The following EXOC4 variants were observed in gnomAD, a reference collection of about 807,000 sequenced individuals.
EXOC4 encodes SEC8-like 1.
EXOC4 carries 71 observed loss-of-function variants against 107.2 expected under a neutral mutation model. That is an observed-to-expected ratio of 0.66 (90% CI 0.55 to 0.81). EXOC4 has a LOEUF of 0.81. Among genes scored for constraint, EXOC4 ranks in the 30% least tolerant of loss-of-function variants. EXOC4 has a pLI of 0.00. For synonymous variants in EXOC4, 456 were observed against 441.2 expected (o/e 1.03, Z -0.42); for missense variants, 1,108 against 1,189.6 (o/e 0.93, Z 1.01).
Position 133,375,047 on chromosome 7 carries a change from G to A in EXOC4, c.1182+45G>A, listed in dbSNP as rs1796458224. 2.6e-6 allele frequency: 4 copies of A among 1,526,436 alleles called. No individual in the cohort carries two copies. The East Asian group carries it at 9.1e-5, about 35-fold the overall frequency. The allele number at this position is 1,526,436 out of a possible 1,614,324, so 94.6% of individuals were successfully genotyped here. On this transcript the variant is annotated intron_variant, in intron 7 of 17. Transcript: ENST00000253861. ...GGTGTCATCTTGATTCAGAGTAACAGTTTAGAATAACAACAACAACAGCAA... is the reference window on the plus strand; with the variant it reads ...GGTGTCATCTTGATTCAGAGTAACAATTTAGAATAACAACAACAACAGCAA...
At chr7:133,722,932 CTT>C (rs1327337985) in intron 10 of EXOC4, among the ~76,000 whole-genome samples, 7 of 152,196 alleles carry the variant, frequency 4.6e-5, no homozygotes, top group Non-Finnish European at 1.0e-4. Flanking sequence ...TTAAACTACT[CTT>C]AACCTTTTCT....
At chr7:134,031,457 A>G (rs1795269572) in intron 17 of EXOC4, among the ~76,000 whole-genome samples, 1 of 152,260 alleles carries the variant, frequency 6.6e-6, no homozygotes, top group South Asian at 2.1e-4. Flanking sequence ...GCCTGGAAGT[A>G]AGGAAATGGT....
chr7:133,511,099 C>T (rs751474233), intron 9 of EXOC4, among the ~76,000 whole-genome samples: 29 of 151,916 alleles, frequency 1.9e-4, no homozygotes, highest in Non-Finnish European at 3.4e-4. Flanking sequence ...GGCGTCCTGG[C>T]TACATAATTT....
At chr7:133,807,077 T>G (rs962794435) in intron 10 of EXOC4, among the ~76,000 whole-genome samples, 2 of 152,122 alleles carry the variant, frequency 1.3e-5, no homozygotes, top group African/African-American at 2.4e-5. Flanking sequence ...TCGGAAGATA[T>G]GGTGGGCCGA....
chr7:133,350,508 C>T (rs1486083416), intron 5 of EXOC4, among the ~76,000 whole-genome samples: 2 of 152,000 alleles, frequency 1.3e-5, no homozygotes, highest in African/African-American at 4.8e-5. Context: ...CCTAGGGTCT[C>T]TTTTCTGTTC....
intron 7 of EXOC4, among the ~76,000 whole-genome samples, chr7:133,436,510 A>C (rs1425670924): frequency 6.6e-6 from 1 of 152,060 alleles, no homozygotes; most frequent in African/African-American, 2.4e-5. Flanking sequence ...TAAAAAAAAA[A>C]AAAACCCTAA....
chr7:134,053,372 T>G (rs2116592863), intron 17 of EXOC4, among the ~76,000 whole-genome samples: 1 of 152,200 alleles, frequency 6.6e-6, no homozygotes, highest in East Asian at 1.9e-4. Flanking sequence ...CTTAATCATT[T>G]AAGCCTTGGA....
chr7:133,781,584 A>G (rs540577931), intron 10 of EXOC4, among the ~76,000 whole-genome samples: 52 of 152,360 alleles, frequency 3.4e-4, no homozygotes, highest in African/African-American at 1.3e-3. Context: ...TAATTCTGTC[A>G]GTGTCAGGGC....
intron 7 of EXOC4, among the ~76,000 whole-genome samples, chr7:133,424,358 C>G (rs1476187120): frequency 6.6e-6 from 1 of 151,620 alleles, no homozygotes; most frequent in Non-Finnish European, 1.5e-5. Context: ...ACTCCAGACG[C>G]GCCGCCTTTA....
At chr7:133,695,651 G>T (rs938143927) in intron 10 of EXOC4, among the ~76,000 whole-genome samples, 14 of 152,058 alleles carry the variant, frequency 9.2e-5, no homozygotes, top group Non-Finnish European at 1.9e-4. Flanking sequence ...TATTATTTAA[G>T]TATTGGGGTA....
At chr7:133,718,386 G>C (rs931613976) in intron 10 of EXOC4, among the ~76,000 whole-genome samples, 1 of 152,178 alleles carries the variant, frequency 6.6e-6, no homozygotes, top group Admixed American at 6.5e-5. Flanking sequence ...TGCTTTCCTA[G>C]TACTTAGATG....
rs537547011 is a variant in EXOC4, at chr7:133,463,321, G to A, written c.1183-12007G>A. ...GTGCCCTTCCTCCCTTTGAGGAGAG[G>A]TGGTAATAGAGAGTTTACCTGGTCA... is the stretch of plus-strand genomic sequence containing the variant. On this transcript the variant is annotated intron_variant, in intron 7 of 17. Transcript: ENST00000253861. Among the ~76,000 whole-genome samples the A allele has an allele frequency of 3.9e-5, 6 of 152,236 alleles. No individual in the cohort carries two copies. The East Asian group carries it at 1.2e-3, about 29-fold the overall frequency.
intron 17 of EXOC4, chr7:134,009,886 GC>G (rs1794725962): frequency 1.3e-5 from 2 of 152,144 alleles, no homozygotes; most frequent in Admixed American, 1.3e-4. Flanking sequence ...TGCTGACTGG[GC>G]AGGATTGAAG....
intron 10 of EXOC4, among the ~76,000 whole-genome samples, chr7:133,761,560 T>A (rs1332958872): frequency 6.6e-6 from 1 of 152,184 alleles, no homozygotes; most frequent in Non-Finnish European, 1.5e-5. Flanking sequence ...ATGCGTTGGC[T>A]GTTGACTCAG....
intron 7 of EXOC4, among the ~76,000 whole-genome samples, chr7:133,392,429 C>T (rs1045843650): frequency 4.6e-5 from 7 of 152,102 alleles, no homozygotes; most frequent in Non-Finnish European, 8.8e-5. Flanking sequence ...TGTTAGGGTC[C>T]TTTACCTAAG....
At chr7:133,546,593 C>T (rs950305607) in intron 9 of EXOC4, among the ~76,000 whole-genome samples, 1 of 152,084 alleles carries the variant, frequency 6.6e-6, no homozygotes, top group Non-Finnish European at 1.5e-5. Context: ...CAAATGTATA[C>T]AGTCATATAA....
chr7:133,420,132 C>A (rs572489773), intron 7 of EXOC4, among the ~76,000 whole-genome samples: 180 of 132,238 alleles, frequency 1.4e-3, no homozygotes, highest in African/African-American at 4.7e-3. Flanking sequence ...CCCCCCACCC[C>A]ACCACAGTCC....
intron 14 of EXOC4, among the ~76,000 whole-genome samples, chr7:133,942,041 C>T (rs1328355224): frequency 2.6e-5 from 4 of 152,074 alleles, no homozygotes; most frequent in African/African-American, 9.7e-5. Context: ...GACTATTTTT[C>T]AGTTTAACAG....
intron 5 of EXOC4, among the ~76,000 whole-genome samples, chr7:133,348,263 G>T (rs1795830643): frequency 6.6e-6 from 1 of 152,086 alleles, no homozygotes; most frequent in Non-Finnish European, 1.5e-5. Flanking sequence ...ATTAATATTG[G>T]ATCTGTTCAG....
Sources: gnomAD v4.1 joint callset for allele counts (sites outside exome capture counted in the v4.1 genomes callset) on GRCh38, gnomAD v4.1.1 for gene constraint, MANE v1.5 for transcripts, NCBI Gene and HGNC (gene_info 2026-07-23, HGNC 2026-07-21) for gene names.